The following ADA2 variants were observed in gnomAD, a reference collection of about 807,000 sequenced individuals.
ADA2 encodes the protein adenosine deaminase CECR1.
A neutral mutation model predicts 44.2 loss-of-function variants in ADA2; 29 were observed. The ratio of observed to expected loss-of-function variants is 0.66; its 90% CI spans 0.49 to 0.89. The LOEUF (loss-of-function observed/expected upper bound fraction) is 0.89. ADA2 is among the 40% of genes least tolerant of loss of function. The pLI is 0.00. For missense variants in ADA2, 637 were observed against 644.8 expected (o/e 0.99, Z 0.13); for synonymous variants, 215 against 234.9 (o/e 0.92, Z 0.77).
upstream of ADA2, among the ~76,000 whole-genome samples, chr22:17,221,408 G>A (rs1357963960): frequency 6.6e-6 from 1 of 152,006 alleles, no homozygotes; most frequent in East Asian, 1.9e-4. Context: ...ATTTACATTA[G>A]GTATTTCTCC....
At chr22:17,183,737 T>TCAC (rs2062001780) in intron 7 of ADA2, among the ~76,000 whole-genome samples, 1 of 151,674 alleles carries the variant, frequency 6.6e-6, no homozygotes, top group Non-Finnish European at 1.5e-5. Context: ...GCTGTGATTA[T>TCAC]AGGCATGAGC....
chr22:17,207,283 G>C lies in ADA2; in HGVS notation c.330C>G (p.Ala110=), dbSNP rs760949324. ...CGATGCCAATGTCATGGAGGTGCAA[G>C]GCAGCCCCTGGAGAGGGAAGAAGAA... The part of the protein sequence containing the change: ...NILRMMPKGA[A]LHLHDIGIVT... The change falls in exon 3 of 10, where the codon GCC becomes GCG. Residue 110 remains alanine, a synonymous_variant. Coordinates refer to ENST00000399837, the MANE Select transcript of ADA2 (RefSeq NM_001282225.2). The C allele has an allele frequency of 1.2e-6, 2 of 1,603,852 alleles. No homozygotes were observed. The highest frequency in any genetic ancestry group is 1.7e-6 in the Non-Finnish European group (2 of 1,171,862).
intron 4 of ADA2, among the ~76,000 whole-genome samples, chr22:17,196,787 G>A (rs1385481470): frequency 6.6e-6 from 1 of 152,168 alleles, no homozygotes; most frequent in Non-Finnish European, 1.5e-5. Context: ...AGTTGTTGGC[G>A]GAGTGGTAGG....
chr22:17,206,594 A>T (rs539292317), intron 3 of ADA2, among the ~76,000 whole-genome samples: 111 of 152,314 alleles, frequency 7.3e-4, no homozygotes, highest in African/African-American at 2.5e-3. Context: ...AAAGGTGTTG[A>T]ATGCTTTTGT....
At chr22:17,196,577 T>C (rs2062193934) in intron 4 of ADA2, among the ~76,000 whole-genome samples, 1 of 152,108 alleles carries the variant, frequency 6.6e-6, no homozygotes, top group Non-Finnish European at 1.5e-5. Context: ...TTGACCACCC[T>C]GTCATTACTG....
intron 4 of ADA2, chr22:17,198,688 A>G (rs981004883): frequency 4.6e-5 from 7 of 152,162 alleles, no homozygotes; most frequent in African/African-American, 1.2e-4. Flanking sequence ...TCTCCCCTCC[A>G]TAAGTGCCAG....
intron 1 of ADA2, among the ~76,000 whole-genome samples, chr22:17,210,772 A>T (rs983809232): frequency 8.6e-5 from 13 of 150,476 alleles, no homozygotes; most frequent in African/African-American, 3.2e-4. Context: ...TAATTTTTGT[A>T]TTTTTAATAG....
rs34572644 is a variant in ADA2 at position 17,194,019 on chromosome 22, GA to G, written c.754-2210del. 4.3e-3 allele frequency among the ~76,000 whole-genome samples: 534 copies of G among 123,008 alleles called. 1 individual carries two copies. Among genetic ancestry groups the G allele is most frequent in the African/African-American group, 0.011 (377 of 33,854 alleles). 80.7% of individuals were successfully genotyped at this position (123,008 alleles called of 152,430 possible). ...TGAGTTCCTGTCTGTAAAAAGGAAT[GA>G]AAAAAAAAAAAAAAAGAAACAATAG... On this transcript the variant is annotated intron_variant, in intron 4 of 9. Coordinates refer to ENST00000399837, the MANE Select transcript of ADA2 (RefSeq NM_001282225.2).
chr22:17,208,569 G>A (rs1289952485), intron 2 of ADA2, among the ~76,000 whole-genome samples: 10 of 151,900 alleles, frequency 6.6e-5, no homozygotes, highest in East Asian at 3.9e-4. Context: ...TTGGGAGGCC[G>A]AGGAGTGTGG....
At chr22:17,201,866 A>AT (rs894389964) in intron 4 of ADA2, among the ~76,000 whole-genome samples, 95 of 150,828 alleles carry the variant, frequency 6.3e-4, no homozygotes, top group African/African-American at 2.2e-3. Context: ...CAAAAATCAG[A>AT]TTTTTTTGAT....
chr22:17,209,783 C>T (rs865976768), intron 1 of ADA2, 60 bp from the exon 2 acceptor site: 1 of 840,524 alleles, frequency 1.2e-6, no homozygotes, highest in Admixed American at 2.8e-5. Context: ...TCTGATCTTC[C>T]TTTTCTCGCC....
intron 4 of ADA2, among the ~76,000 whole-genome samples, chr22:17,193,493 C>T (rs1270826897): frequency 6.6e-6 from 1 of 150,470 alleles, no homozygotes. Context: ...GGTGAAACCT[C>T]GTCTCTACTA....
upstream of ADA2, among the ~76,000 whole-genome samples, chr22:17,221,417 C>T (rs1347780874): frequency 1.3e-5 from 2 of 152,072 alleles, no homozygotes; most frequent in East Asian, 3.9e-4. Flanking sequence ...AGGTATTTCT[C>T]CTAATGCTAT....
At chr22:17,204,268 A>C (rs2062326942) in intron 3 of ADA2, among the ~76,000 whole-genome samples, 1 of 152,200 alleles carries the variant, frequency 6.6e-6, no homozygotes. Context: ...AGAGATGATT[A>C]AGACTAAATG....
chr22:17,183,065 C>A (rs1053049661), intron 7 of ADA2, among the ~76,000 whole-genome samples: 1 of 152,054 alleles, frequency 6.6e-6, no homozygotes, highest in Non-Finnish European at 1.5e-5. Context: ...CAGTAAGTAG[C>A]AAAACCGAGT....
intron 7 of ADA2, among the ~76,000 whole-genome samples, chr22:17,186,441 G>A (rs770720097): frequency 2.0e-5 from 3 of 151,904 alleles, no homozygotes; most frequent in Non-Finnish European, 4.4e-5. Context: ...AATTAGCCGG[G>A]TGTGTTGGTG....
At chr22:17,190,749 A>C (rs1402956737) in intron 5 of ADA2, among the ~76,000 whole-genome samples, 1 of 152,130 alleles carries the variant, frequency 6.6e-6, no homozygotes, top group Non-Finnish European at 1.5e-5. Context: ...CTCAGCCCTC[A>C]CACCCTCCTG....
intron 4 of ADA2, among the ~76,000 whole-genome samples, chr22:17,192,261 A>C (rs2062126450): frequency 6.6e-6 from 1 of 152,074 alleles, no homozygotes; most frequent in Non-Finnish European, 1.5e-5. Context: ...GGGTCACTGC[A>C]CTTAAAACAG....
At chr22:17,199,491 A>G in intron 4 of ADA2, 1 of 1,505,788 alleles carries the variant, frequency 6.6e-7, no homozygotes, top group Non-Finnish European at 9.2e-7. Context: ...GGAGTTCCCT[A>G]TGCACTCCCA....
Sources: allele counts gnomAD v4.1 joint callset (sites outside exome capture counted in the v4.1 genomes callset), GRCh38; gene constraint gnomAD v4.1.1; transcripts MANE v1.5; gene names NCBI Gene and HGNC (gene_info 2026-07-23, HGNC 2026-07-21).